Variants in ACSS3 observed in about 807,000 individuals in gnomAD.
ACSS3 encodes the protein acyl-CoA synthetase short chain family member 3.
ACSS3 carries 64 observed loss-of-function variants against 84.2 expected under a neutral mutation model. The ratio of observed to expected loss-of-function variants is 0.76; its 90% CI spans 0.62 to 0.94. ACSS3 has a LOEUF of 0.94. ACSS3 is among the 40% of genes least tolerant of loss of function. The pLI is 0.00. For synonymous variants in ACSS3, 317 were observed against 310.1 expected, an observed-to-expected ratio of 1.02 and a Z score of -0.23; for missense variants, 815 against 867.6, an observed-to-expected ratio of 0.94 and a Z score of 0.76.
rs546093605 is a variant in ACSS3 at position 81,226,352 on chromosome 12, G to A, written c.1515-4705G>A. 2.0e-5 allele frequency among the ~76,000 whole-genome samples: 3 copies of A among 149,502 alleles called. No homozygotes were observed. In the South Asian group the frequency reaches 6.4e-4, roughly 32 times the overall value. On this transcript the variant is annotated intron_variant, in intron 11 of 15. Transcript: ENST00000548058. ...GTGGAGTTTTTTCTTTGATATTTCT[G>A]CAACACTGATATTTAGCCGTAGAAC...
chr12:81,171,266 C>T (rs1420945285), intron 7 of ACSS3, among the ~76,000 whole-genome samples: 1 of 151,920 alleles, frequency 6.6e-6, no homozygotes, highest in Non-Finnish European at 1.5e-5. Context: ...AGATCTTGTT[C>T]TATGCTGCAT....
chr12:81,191,778 G>T (rs578249619), intron 8 of ACSS3, among the ~76,000 whole-genome samples: 63 of 151,950 alleles, frequency 4.1e-4, no homozygotes, highest in Non-Finnish European at 8.1e-4. Context: ...GGCTCTGTTT[G>T]ATGATTTTTC....
At position 81,259,888 on chromosome 12, in the gene ACSS3, G is replaced by A; in HGVS notation, c.*4966G>A. 2.6e-6 allele frequency: 1 copy of A among 385,462 alleles called. No homozygotes were observed. The allele number at this position is 385,462 out of a possible 1,614,324, so 23.9% of individuals were successfully genotyped here. Reference sequence around the variant, plus strand: ...AATAATAGAATTTGCTCAACTTTGTGGAAAGTATGGCAGTAATGTAAACAA... The same window carrying A: ...AATAATAGAATTTGCTCAACTTTGTAGAAAGTATGGCAGTAATGTAAACAA... On this transcript the variant is annotated 3_prime_UTR_variant, in exon 16 of 16. Coordinates refer to ENST00000548058, the MANE Select transcript of ACSS3 (RefSeq NM_024560.4).
intron 5 of ACSS3, chr12:81,143,483 T>G (rs915803047): frequency 6.0e-5 from 19 of 315,426 alleles, no homozygotes; most frequent in Non-Finnish European, 9.7e-5. Flanking sequence ...TAAAAACATT[T>G]ATTATTTAAC....
chr12:81,136,411 T>C (rs1247844427), intron 3 of ACSS3, among the ~76,000 whole-genome samples: 1 of 152,138 alleles, frequency 6.6e-6, no homozygotes, highest in Admixed American at 6.6e-5. Context: ...TTCAATAATA[T>C]TTTATAGAAA....
chr12:81,078,001 T>G, upstream of ACSS3: 1 of 1,224,736 alleles, frequency 8.2e-7, no homozygotes, highest in Non-Finnish European at 1.1e-6. Flanking sequence ...GCTTCCAAAC[T>G]TCTGGGCTCT....
rs538670050 is a variant in ACSS3, at chr12:81,149,925, C to T, written c.922-1919C>T. 9.9e-5 allele frequency among the ~76,000 whole-genome samples: 15 copies of T among 152,188 alleles called. No individual in the cohort carries two copies. The South Asian group carries it at 3.1e-3, about 32-fold the overall frequency. ...TTCACGCATGTTCTCATTTTTAAGT[C>T]TCTTTTTTTTGGTCAGATGGGTTTA... On this transcript the variant is annotated intron_variant, in intron 5 of 15. Transcript: ENST00000548058.
At chr12:81,136,663 T>G (rs144086794) in intron 3 of ACSS3, among the ~76,000 whole-genome samples, 2 of 152,202 alleles carry the variant, frequency 1.3e-5, no homozygotes, top group Non-Finnish European at 2.9e-5. Context: ...GGAAGGACAG[T>G]AAGTAGACCA....
intron 11 of ACSS3, among the ~76,000 whole-genome samples, chr12:81,228,873 G>T (rs1484755011): frequency 6.6e-6 from 1 of 151,628 alleles, no homozygotes. Flanking sequence ...TTGATTTGGG[G>T]TACATAAAAT....
intron 8 of ACSS3, among the ~76,000 whole-genome samples, chr12:81,198,941 T>C (rs905370729): frequency 6.6e-6 from 1 of 152,244 alleles, no homozygotes; most frequent in Non-Finnish European, 1.5e-5. Flanking sequence ...AACACTTATG[T>C]ATGTATTTTT....
intron 11 of ACSS3, among the ~76,000 whole-genome samples, chr12:81,227,701 T>C (rs1213732532): frequency 6.6e-6 from 1 of 151,872 alleles, no homozygotes; most frequent in Non-Finnish European, 1.5e-5. Context: ...AGTTTCTGCA[T>C]GTCAAATTCT....
chr12:81,129,160 TA>T (rs1468037438), intron 2 of ACSS3, among the ~76,000 whole-genome samples: 3 of 152,108 alleles, frequency 2.0e-5, no homozygotes, highest in Non-Finnish European at 4.4e-5. Flanking sequence ...CTCATTTAAC[TA>T]AAAATTGTTT....
chr12:81,162,018 G>T (rs946301462), intron 7 of ACSS3, among the ~76,000 whole-genome samples: 1 of 152,176 alleles, frequency 6.6e-6, no homozygotes, highest in African/African-American at 2.4e-5. Context: ...TGCTCAAAGG[G>T]CCACAGCCCT....
intron 5 of ACSS3, among the ~76,000 whole-genome samples, chr12:81,147,349 T>C (rs1429620930): frequency 6.6e-6 from 1 of 152,214 alleles, no homozygotes; most frequent in Non-Finnish European, 1.5e-5. Context: ...CACGGGTTTA[T>C]ACACTAAACT....
chr12:81,157,053 A>C (rs1164163446), intron 7 of ACSS3, among the ~76,000 whole-genome samples: 1 of 152,184 alleles, frequency 6.6e-6, no homozygotes, highest in African/African-American at 2.4e-5. Flanking sequence ...AAAATACTAC[A>C]AACTAATGTC....
intron 1 of ACSS3, among the ~76,000 whole-genome samples, chr12:81,096,335 G>A (rs2121372957): frequency 6.6e-6 from 1 of 152,152 alleles, no homozygotes; most frequent in Non-Finnish European, 1.5e-5. Context: ...AATAATCATT[G>A]AGCATTTGTT....
chr12:81,202,054 C>T (rs1023704858), intron 9 of ACSS3, among the ~76,000 whole-genome samples: 32 of 151,870 alleles, frequency 2.1e-4, no homozygotes, highest in African/African-American at 6.0e-4. Context: ...CCGAGGTGGG[C>T]GGATCACGAG....
At chr12:81,167,709 A>G (rs1049626976) in intron 7 of ACSS3, among the ~76,000 whole-genome samples, 1 of 152,184 alleles carries the variant, frequency 6.6e-6, no homozygotes, top group African/African-American at 2.4e-5. Flanking sequence ...AAAAGGCCCC[A>G]CCTTCCAACA....
At chr12:81,175,234 A>G (rs2030387625) in intron 8 of ACSS3, among the ~76,000 whole-genome samples, 1 of 152,204 alleles carries the variant, frequency 6.6e-6, no homozygotes, top group South Asian at 2.1e-4. Context: ...ATTCTGACTT[A>G]AAATGCACAG....
Sources: allele counts gnomAD v4.1 joint callset (sites outside exome capture counted in the v4.1 genomes callset), GRCh38; gene constraint gnomAD v4.1.1; transcripts MANE v1.5; gene names NCBI Gene and HGNC (gene_info 2026-07-23, HGNC 2026-07-21).